Variants in GALNT17 observed in about 807,000 individuals in gnomAD.
The protein encoded by GALNT17 is polypeptide N-acetylgalactosaminyltransferase 17, also known as UDP-GalNAc:polypeptide N-acetylgalactosaminyltransferase-like 3.
GALNT17 carries 29 observed loss-of-function variants against 63.7 expected under a neutral mutation model. That is an observed-to-expected ratio of 0.46 (90% CI 0.34 to 0.62). The LOEUF (loss-of-function observed/expected upper bound fraction) is 0.62. GALNT17 is among the 20% of genes least tolerant of loss of function. GALNT17 has a pLI of 0.01. For missense variants in GALNT17, 603 were observed against 799.6 expected (o/e 0.75, Z 2.97); for synonymous variants, 305 against 318.3 (o/e 0.96, Z 0.45).
chr7:71,329,072 A>G (rs1791756714), intron 1 of GALNT17, among the ~76,000 whole-genome samples: 1 of 152,198 alleles, frequency 6.6e-6, no homozygotes, highest in Non-Finnish European at 1.5e-5. Context: ...AACAAAAGAT[A>G]TGCTGTATCG....
intron 7 of GALNT17, among the ~76,000 whole-genome samples, chr7:71,666,132 A>G (rs1214837125): frequency 1.3e-5 from 2 of 152,048 alleles, no homozygotes; most frequent in Non-Finnish European, 1.5e-5. Flanking sequence ...CAACTCTATC[A>G]TTTATGAGTC....
At chr7:71,664,406 G>C (rs530842652) in intron 6 of GALNT17, among the ~76,000 whole-genome samples, 1 of 152,180 alleles carries the variant, frequency 6.6e-6, no homozygotes, top group South Asian at 2.1e-4. Flanking sequence ...GACCAGGAGT[G>C]TGAGACCGGC....
intron 2 of GALNT17, among the ~76,000 whole-genome samples, chr7:71,359,286 A>C (rs2707438): frequency 0.67 from 101,252 of 151,998 alleles, 34,354 homozygotes; most frequent in East Asian, 0.96. Context: ...AGGCTGTGCC[A>C]CCTCTCAGAG....
intron 6 of GALNT17, among the ~76,000 whole-genome samples, chr7:71,578,632 G>T (rs1789578316): frequency 6.6e-6 from 1 of 152,144 alleles, no homozygotes; most frequent in Non-Finnish European, 1.5e-5. Flanking sequence ...GTGAGCCACT[G>T]TGCCTGGCCT....
At chr7:71,576,369 C>T (rs1024484065) in intron 6 of GALNT17, among the ~76,000 whole-genome samples, 1 of 152,144 alleles carries the variant, frequency 6.6e-6, no homozygotes, top group African/African-American at 2.4e-5. Flanking sequence ...GGTGTATATC[C>T]AGTAATGGGA....
chr7:71,591,405 C>A (rs1049358959), intron 6 of GALNT17, among the ~76,000 whole-genome samples: 1 of 152,034 alleles, frequency 6.6e-6, no homozygotes, highest in Non-Finnish European at 1.5e-5. Context: ...GTAAGGGTCC[C>A]GAATTGCTCC....
At chr7:71,567,133 T>C (rs1224589864) in intron 5 of GALNT17, among the ~76,000 whole-genome samples, 1 of 152,182 alleles carries the variant, frequency 6.6e-6, no homozygotes, top group Non-Finnish European at 1.5e-5. Flanking sequence ...TCTGGTTTGG[T>C]TAACTGAGGC....
chr7:71,185,522 C>CT (rs747181057), intron 1 of GALNT17, among the ~76,000 whole-genome samples: 18,640 of 124,596 alleles, frequency 0.15, 2,040 homozygotes, highest in African/African-American at 0.23. Flanking sequence ...CGTTTCTTTT[C>CT]TTTTTTTTTT....
Position 71,303,668 on chromosome 7 carries a change from G to C in GALNT17, c.239-31882G>C, listed in dbSNP as rs3923570. Among the ~76,000 whole-genome samples the C allele has an allele frequency of 2.0e-5, 3 of 151,898 alleles. No individual in the cohort carries two copies. The South Asian group carries it at 6.2e-4, about 31-fold the overall frequency. On this transcript the variant is annotated intron_variant, in intron 1 of 10. Coordinates refer to ENST00000333538, the MANE Select transcript of GALNT17 (RefSeq NM_022479.3). ...GACCTGTTGCTTGGAAGTGATTTAC[G>C]CATTCTCTGGTCTGGGAGAATTACT...
chr7:71,515,859 A>G (rs371517285), intron 5 of GALNT17, among the ~76,000 whole-genome samples: 3 of 152,256 alleles, frequency 2.0e-5, no homozygotes, highest in African/African-American at 7.2e-5. Context: ...GAGGACTTCA[A>G]TATTTGAAGG....
intron 5 of GALNT17, among the ~76,000 whole-genome samples, chr7:71,518,417 A>G (rs1203171144): frequency 6.6e-6 from 1 of 152,170 alleles, no homozygotes; most frequent in Non-Finnish European, 1.5e-5. Flanking sequence ...TGGATGGCTG[A>G]TGTACCATCA....
At chr7:71,365,980 G>C (rs1341015411) in intron 2 of GALNT17, among the ~76,000 whole-genome samples, 1 of 152,156 alleles carries the variant, frequency 6.6e-6, no homozygotes, top group Non-Finnish European at 1.5e-5. Context: ...CCATCTGGGG[G>C]TGATGGGAGA....
intron 1 of GALNT17, among the ~76,000 whole-genome samples, chr7:71,251,154 C>T (rs941191126): frequency 4.6e-5 from 7 of 151,874 alleles, no homozygotes; most frequent in Admixed American, 3.9e-4. Flanking sequence ...TCTCCTAATG[C>T]TATCCCTCCC....
At chr7:71,298,058 T>C (rs775436787) in intron 1 of GALNT17, among the ~76,000 whole-genome samples, 24 of 152,348 alleles carry the variant, frequency 1.6e-4, no homozygotes, top group Non-Finnish European at 3.1e-4. Flanking sequence ...ACTCACTCTG[T>C]TACTCAGGCT....
intron 1 of GALNT17, among the ~76,000 whole-genome samples, chr7:71,254,709 G>C (rs548223811): frequency 6.6e-6 from 1 of 152,186 alleles, no homozygotes; most frequent in East Asian, 1.9e-4. Flanking sequence ...CAGTTGGGGG[G>C]CTTAGATTTG....
chr7:71,688,377 A>C (rs998515684), intron 9 of GALNT17, among the ~76,000 whole-genome samples: 11 of 151,842 alleles, frequency 7.2e-5, no homozygotes, highest in African/African-American at 2.7e-4. Flanking sequence ...CTGTGTGTAC[A>C]CTCCTTGCAG....
At chr7:71,389,979 A>G (rs1454250238) in intron 3 of GALNT17, among the ~76,000 whole-genome samples, 3 of 152,186 alleles carry the variant, frequency 2.0e-5, no homozygotes, top group Non-Finnish European at 2.9e-5. Context: ...ATCCAGGGCA[A>G]TGGGGGTGGG....
chr7:71,289,131 C>G (rs547869433), intron 1 of GALNT17, among the ~76,000 whole-genome samples: 38 of 151,162 alleles, frequency 2.5e-4, no homozygotes, highest in Admixed American at 2.3e-3. Flanking sequence ...AACTTATTTA[C>G]AAATAGCTTA....
intron 1 of GALNT17, among the ~76,000 whole-genome samples, chr7:71,332,548 C>T (rs997757677): frequency 6.6e-6 from 1 of 152,072 alleles, no homozygotes; most frequent in Non-Finnish European, 1.5e-5. Flanking sequence ...ATTTTAAAAT[C>T]GTTTTATTGA....
Sources: gnomAD v4.1 joint callset for allele counts (sites outside exome capture counted in the v4.1 genomes callset) on GRCh38, gnomAD v4.1.1 for gene constraint, MANE v1.5 for transcripts, NCBI Gene and HGNC (gene_info 2026-07-23, HGNC 2026-07-21) for gene names.